Variants in APAF1 observed in about 807,000 individuals in gnomAD.
APAF1 encodes apoptotic peptidase activating factor 1.
APAF1 carries 91 observed loss-of-function variants against 152.4 expected under a neutral mutation model. That is an observed-to-expected ratio of 0.60 (90% confidence interval 0.50 to 0.71). The LOEUF (loss-of-function observed/expected upper bound fraction) is 0.71, where lower values mean the gene tolerates loss of function less well. Among genes scored for constraint, APAF1 ranks in the 30% least tolerant of loss-of-function variants. APAF1 has a pLI of 0.00. For missense variants in APAF1, 1,283 were observed against 1,472.0 expected (o/e 0.87, Z 2.10); for synonymous variants, 484 against 494.1 (o/e 0.98, Z 0.27).
chr12:98,662,249 A>C (rs2097666410), intron 5 of APAF1, among the ~76,000 whole-genome samples: 2 of 150,630 alleles, frequency 1.3e-5, no homozygotes, highest in African/African-American at 4.9e-5. Context: ...AGGAGAAGGC[A>C]GTCTCTAATT....
chr12:98,723,852 GT>G, intron 24 of APAF1, 88 bp downstream of exon 24: 3 of 1,362,398 alleles, frequency 2.2e-6, no homozygotes, highest in Non-Finnish European at 3.1e-6. Flanking sequence ...GGACATAACA[GT>G]TGCTCTCTAC....
chr12:98,725,381 A>G (rs764623295), intron 24 of APAF1, 34 bp from the exon 25 acceptor site: 2 of 1,613,386 alleles, frequency 1.2e-6, no homozygotes, highest in Non-Finnish European at 1.7e-6. Context: ...TTGAGTGTTT[A>G]TAGCATTGCT....
Position 98,662,233 on chromosome 12 carries a change from G to A in APAF1, c.711-223G>A, listed in dbSNP as rs573254870. Among the ~76,000 whole-genome samples the A allele has an allele frequency of 4.7e-5, 7 of 150,384 alleles. No homozygotes were observed. The East Asian group carries it at 1.2e-3, about 26-fold the overall frequency. ...GTAATTTTAATATGTTCTGATTTAG[G>A]GTTTGAGGAGAAGGCAGTCTCTAAT... is the stretch of plus-strand genomic sequence containing the variant. On this transcript the variant is annotated intron_variant, in intron 5 of 26. Coordinates refer to ENST00000551964, the MANE Select transcript of APAF1 (RefSeq NM_181861.2).
intron 15 of APAF1, among the ~76,000 whole-genome samples, chr12:98,684,490 C>G (rs74773501): frequency 0.076 from 11,136 of 146,902 alleles, 631 homozygotes; most frequent in East Asian, 0.23. Flanking sequence ...CCTCCTCCTC[C>G]TCCCTCCTCC....
At chr12:98,723,360 C>G in intron 23 of APAF1, 48 bp downstream of exon 23, 1 of 1,575,338 alleles carries the variant, frequency 6.3e-7, no homozygotes, top group Non-Finnish European at 8.7e-7. Flanking sequence ...TCTCATATTG[C>G]AATGATTATA....
At chr12:98,686,542 C>T (rs17028605) in intron 15 of APAF1, among the ~76,000 whole-genome samples, 12,804 of 152,142 alleles carry the variant, frequency 0.084, 724 homozygotes, top group East Asian at 0.25. Context: ...GTCCCTTAGT[C>T]GATTTACATG....
At chr12:98,671,806 G>T in intron 12 of APAF1, 87 bp downstream of exon 12, 1 of 1,307,374 alleles carries the variant, frequency 7.6e-7, no homozygotes, top group Non-Finnish European at 1.1e-6. Context: ...ACTCCAGGAG[G>T]ATTTAACTAC....
chr12:98,715,069 A>G (rs1233579089), intron 21 of APAF1, among the ~76,000 whole-genome samples: 1 of 136,696 alleles, frequency 7.3e-6, no homozygotes, highest in East Asian at 2.1e-4. Flanking sequence ...TCCATCTTAA[A>G]TGTCTTTTTT....
At chr12:98,707,058 C>G (rs1447124458) in intron 19 of APAF1, among the ~76,000 whole-genome samples, 1 of 152,148 alleles carries the variant, frequency 6.6e-6, no homozygotes, top group Non-Finnish European at 1.5e-5. Flanking sequence ...TGCCACAAGT[C>G]TTCTTTCTTG....
chr12:98,704,247 T>A (rs1214351481), intron 18 of APAF1, among the ~76,000 whole-genome samples: 3 of 152,068 alleles, frequency 2.0e-5, no homozygotes, highest in Non-Finnish European at 4.4e-5. Flanking sequence ...GGATTACAGG[T>A]GTATCACCTT....
At chr12:98,649,054 G>C (rs1201952891) in intron 3 of APAF1, 21 of 751,982 alleles carry the variant, frequency 2.8e-5, no homozygotes, top group Non-Finnish European at 2.9e-5. Flanking sequence ...CTAATTTTTA[G>C]AGACAATAAG....
At chr12:98,691,877 G>A (rs1009895695) in intron 16 of APAF1, among the ~76,000 whole-genome samples, 2 of 151,700 alleles carry the variant, frequency 1.3e-5, no homozygotes, top group African/African-American at 2.4e-5. Context: ...CTCTATCACC[G>A]CTCTTCCATC....
At chr12:98,723,993 A>G (rs2097746795) in intron 24 of APAF1, among the ~76,000 whole-genome samples, 1 of 152,252 alleles carries the variant, frequency 6.6e-6, no homozygotes, top group Non-Finnish European at 1.5e-5. Flanking sequence ...TCTATAACTA[A>G]TCAAATGCAA....
At chr12:98,670,595 A>G (rs935698174) in intron 10 of APAF1, among the ~76,000 whole-genome samples, 5 of 151,782 alleles carry the variant, frequency 3.3e-5, no homozygotes, top group Admixed American at 3.3e-4. Flanking sequence ...GAAGATTTGA[A>G]TTTTTATGTA....
chr12:98,671,815 A>G (rs1464039607), intron 12 of APAF1, 96 bp downstream of exon 12: 6 of 1,228,620 alleles, frequency 4.9e-6, no homozygotes, highest in Non-Finnish European at 4.8e-6. Context: ...GGATTTAACT[A>G]CTTTCGAAAG....
At chr12:98,705,420 C>G (rs2097720359) in intron 18 of APAF1, among the ~76,000 whole-genome samples, 1 of 152,158 alleles carries the variant, frequency 6.6e-6, no homozygotes, top group Non-Finnish European at 1.5e-5. Flanking sequence ...GCCCTTAGCT[C>G]TGTATGTCCC....
chr12:98,701,827 T>C (rs975020790), intron 17 of APAF1, among the ~76,000 whole-genome samples: 6 of 152,358 alleles, frequency 3.9e-5, no homozygotes, highest in African/African-American at 1.4e-4. Context: ...TTCCAATTCC[T>C]ATGTGAGTCT....
intron 20 of APAF1, among the ~76,000 whole-genome samples, chr12:98,711,854 T>G (rs1437936780): frequency 1.3e-5 from 2 of 152,260 alleles, no homozygotes; most frequent in Non-Finnish European, 2.9e-5. Flanking sequence ...TAATTTACAC[T>G]GTTTTGTGAG....
intron 25 of APAF1, among the ~76,000 whole-genome samples, chr12:98,725,983 G>T (rs2153344883): frequency 6.6e-6 from 1 of 152,262 alleles, no homozygotes; most frequent in African/African-American, 2.4e-5. Flanking sequence ...GCCATTTCCA[G>T]TGTGGTTTGT....
Sources: gnomAD v4.1 joint callset for allele counts (sites outside exome capture counted in the v4.1 genomes callset) on GRCh38, gnomAD v4.1.1 for gene constraint, MANE v1.5 for transcripts, NCBI Gene and HGNC (gene_info 2026-07-23, HGNC 2026-07-21) for gene names.